The following CHD5 variants were observed in gnomAD, a reference collection of about 807,000 sequenced individuals.
The protein encoded by CHD5 is ATP-dependent chromatin remodeler CHD5.
CHD5 carries 69 observed loss-of-function variants against 230.3 expected under a neutral mutation model. That is an observed-to-expected ratio of 0.30 (90% CI 0.25 to 0.37). The LOEUF is 0.37. Ranked by LOEUF, CHD5 falls within the 10% of genes least tolerant of loss-of-function variation. The pLI is 1.00. For synonymous variants in CHD5, 1,064 were observed against 1,065.9 expected (o/e 1.00, Z 0.03); for missense variants, 1,827 against 2,622.8 (o/e 0.70, Z 6.63).
At chr1:6,165,512 T>C (rs552084168) in intron 2 of CHD5, among the ~76,000 whole-genome samples, 30 of 152,164 alleles carry the variant, frequency 2.0e-4, no homozygotes, top group African/African-American at 6.7e-4. Context: ...GTCCCTGCCA[T>C]GGACCACGAG....
chr1:6,131,057 G>A lies in CHD5; in HGVS notation c.3262+574C>T, dbSNP rs906967774. ...AGGGCTGACGCCCCAGGGAAACAAA[G>A]CTTGTTACTATTTGCTGCAAACTTG... On this transcript the variant is annotated intron_variant, in intron 21 of 41. Transcript: ENST00000262450. The surrounding 1 kb of genome is among the most constrained non-coding windows in gnomAD (Gnocchi z 5.0). Among the ~76,000 whole-genome samples the A allele has an allele frequency of 6.6e-6, 1 of 152,234 alleles. No individual in the cohort carries two copies. Among genetic ancestry groups the A allele is most frequent in the Admixed American group, 6.5e-5 (1 of 15,288 alleles).
At chr1:6,114,398 C>T (rs1666342450) in intron 33 of CHD5, among the ~76,000 whole-genome samples, 1 of 152,036 alleles carries the variant, frequency 6.6e-6, no homozygotes, top group African/African-American at 2.4e-5. Flanking sequence ...CAGAGGTGTC[C>T]AATCTTTCGG....
In CHD5 at chr1:6,125,043, C is replaced by A; in HGVS notation, c.4394+57G>T. ...CCCTCTGTGGGGCTCACCCGCAGGA[C>A]CCTGCCCTACTCAGGGGCAGGTGGT... On this transcript the variant is annotated intron_variant, in intron 29 of 41. Transcript: ENST00000262450. This position sits in a 1 kb window ranked among gnomAD's most constrained non-coding sequence, Gnocchi z 6.7. 1.4e-6 allele frequency: 2 copies of A among 1,467,098 alleles called. No homozygotes were observed. The highest frequency in any genetic ancestry group is 1.8e-6 in the Non-Finnish European group (2 of 1,098,454). The allele number at this position is 1,467,098 out of a possible 1,614,324, so 90.9% of individuals were successfully genotyped here. A position where few individuals can be genotyped will look rare whatever the true frequency, so the allele number is the denominator to read the frequency against.
rs1034166943 is a variant in CHD5 at position 6,167,891 on chromosome 1, C to T, written c.207+259G>A. 6.6e-6 allele frequency among the ~76,000 whole-genome samples: 1 copy of T among 152,206 alleles called. No homozygotes were observed. The highest frequency in any genetic ancestry group is 1.5e-5 in the Non-Finnish European group (1 of 68,040). The stretch of plus-strand genomic sequence containing the variant: ...ACGGAATCCAGCCCTGTCCCTCGCA[C>T]AGGATAGGACAACGGGAGGAAGGAA... On this transcript the variant is annotated intron_variant, in intron 2 of 41. Coordinates refer to ENST00000262450, the MANE Select transcript of CHD5 (RefSeq NM_015557.3). The surrounding 1 kb of genome is among the most constrained non-coding windows in gnomAD (Gnocchi z 4.5).
chr1:6,153,077 T>C (rs1453767383), intron 5 of CHD5, among the ~76,000 whole-genome samples: 1 of 152,164 alleles, frequency 6.6e-6, no homozygotes, highest in African/African-American at 2.4e-5. Context: ...ATTAGCTACC[T>C]GGGGAGTAAT....
At chr1:6,164,099 C>T (rs900097216) in intron 2 of CHD5, among the ~76,000 whole-genome samples, 2 of 152,258 alleles carry the variant, frequency 1.3e-5, no homozygotes, top group Admixed American at 1.3e-4. Flanking sequence ...TCCCAATGGA[C>T]AGTCCCGCCA....
At chr1:6,119,036 T>G (rs914830989) in intron 33 of CHD5, among the ~76,000 whole-genome samples, 1 of 148,688 alleles carries the variant, frequency 6.7e-6, no homozygotes, top group African/African-American at 2.5e-5. Flanking sequence ...GTATGATATG[T>G]TAACTATATC....
chr1:6,140,297 G>A (rs1393101886), intron 15 of CHD5, among the ~76,000 whole-genome samples: 2 of 152,174 alleles, frequency 1.3e-5, no homozygotes, highest in Admixed American at 6.5e-5. Flanking sequence ...CTACTTGGGA[G>A]GCTGAGGCAG....
intron 25 of CHD5, chr1:6,127,123 A>C (rs887109125): frequency 1.2e-5 from 3 of 245,134 alleles, no homozygotes; most frequent in Non-Finnish European, 2.4e-5. Context: ...AGGAAACGGA[A>C]AGGCCTCCAG....
At position 6,157,213 on chromosome 1, in the gene CHD5, C is replaced by G. The variant is rs187653094; in HGVS notation, c.388-1496G>C. Among the ~76,000 whole-genome samples the G allele has an allele frequency of 1.0e-3, 157 of 152,330 alleles. 3 individuals are homozygous for G. The highest frequency in any genetic ancestry group is 9.7e-3 in the Admixed American group (148 of 15,302). On this transcript the variant is annotated intron_variant, in intron 3 of 41. Transcript: ENST00000262450. ...CACCACTCCTAGGCCAAAGTCTGGT[C>G]AGGCCAGTCATGTCTTAAGCCAGTC...
chr1:6,176,760 C>T (rs1382321972), intron 1 of CHD5, among the ~76,000 whole-genome samples: 1 of 152,176 alleles, frequency 6.6e-6, no homozygotes, highest in East Asian at 1.9e-4. Context: ...GTGCTATGTC[C>T]CCATACTACA....
chr1:6,129,214 A>T lies in CHD5; in HGVS notation c.3388-145T>A. On this transcript the variant is annotated intron_variant, in intron 22 of 41. Coordinates refer to ENST00000262450, the MANE Select transcript of CHD5 (RefSeq NM_015557.3). The surrounding 1 kb of genome is among the most constrained non-coding windows in gnomAD (Gnocchi z 6.8). ...TGGTGCGTCCAGGTGTGTGGAGCCCACCACTGCAGCTGGGCTCCCTCCCTG... is the reference window on the plus strand; with the variant it reads ...TGGTGCGTCCAGGTGTGTGGAGCCCTCCACTGCAGCTGGGCTCCCTCCCTG... The T allele has an allele frequency of 1.6e-6, 1 of 621,956 alleles. No homozygotes were observed. The highest frequency in any genetic ancestry group is 2.8e-6 in the Non-Finnish European group (1 of 353,972). 38.5% of individuals were successfully genotyped at this position (621,956 alleles called of 1,614,324 possible). A position where few individuals can be genotyped will look rare whatever the true frequency, so the allele number is the denominator to read the frequency against.
chr1:6,112,103 AAGCCTCAGCTCTCT>A (rs1236329898), intron 35 of CHD5, 23 bp downstream of exon 35: 1 of 1,604,014 alleles, frequency 6.2e-7, no homozygotes, highest in African/African-American at 1.3e-5. Context: ...CACAGTCAGG[AAGCCTCAGCTCTCT>A]GCCCAACCCC....
chr1:6,109,977 G>T lies in CHD5; in HGVS notation c.5396C>A (p.Ala1799Glu). The change falls in exon 38 of 42, where the codon GCG (alanine) becomes GAG (glutamate). Residue 1799 changes from alanine to glutamate, a missense_variant. Ala to Glu is a moderately radical substitution (Grantham distance 107). Around this residue, in one of 14 missense-constraint regions of CHD5, gnomAD observed 208 missense variants for 302.0 expected, o/e 0.69. Transcript: ENST00000262450. Reference sequence around the variant, plus strand: ...CCGGAGCTGCTCCTCAATGACCAACGCCTGCTCCAGCAGCTGGGGGCGGGG... The same window carrying T: ...CCGGAGCTGCTCCTCAATGACCAACTCCTGCTCCAGCAGCTGGGGGCGGGG... ...LARRFKLLEQ[A>E]LVIEEQLRRA... The T allele has an allele frequency of 6.5e-7, 1 of 1,542,114 alleles. No individual in the cohort carries two copies. The highest frequency in any genetic ancestry group is 8.7e-7 in the Non-Finnish European group (1 of 1,146,896).
intron 20 of CHD5, among the ~76,000 whole-genome samples, chr1:6,132,880 T>C (rs1037746085): frequency 4.2e-5 from 6 of 144,428 alleles, no homozygotes; most frequent in East Asian, 2.1e-4. Context: ...TCCTATTCTT[T>C]TCTCTCTCTC....
chr1:6,125,041 G>A lies in CHD5; in HGVS notation c.4394+59C>T. 1 of 1,447,352 alleles carries A rather than the reference G, an allele frequency of 6.9e-7. No individual in the cohort carries two copies. Among genetic ancestry groups the A allele is most frequent in the Non-Finnish European group, 9.2e-7 (1 of 1,089,784 alleles). The allele number at this position is 1,447,352 out of a possible 1,614,324, so 89.7% of individuals were successfully genotyped here. ...TGCCCTCTGTGGGGCTCACCCGCAGGACCCTGCCCTACTCAGGGGCAGGTG... is the reference window on the plus strand; with the variant it reads ...TGCCCTCTGTGGGGCTCACCCGCAGAACCCTGCCCTACTCAGGGGCAGGTG... On this transcript the variant is annotated intron_variant, in intron 29 of 41. Coordinates refer to ENST00000262450, the MANE Select transcript of CHD5 (RefSeq NM_015557.3). This position sits in a 1 kb window ranked among gnomAD's most constrained non-coding sequence, Gnocchi z 6.7.
chr1:6,123,170 A>C (rs1382004394), intron 31 of CHD5, among the ~76,000 whole-genome samples: 1 of 152,204 alleles, frequency 6.6e-6, no homozygotes, highest in Non-Finnish European at 1.5e-5. Flanking sequence ...ATGTGGATGA[A>C]CCTGGAACCC....
chr1:6,151,236 A>G (rs1477878383), intron 6 of CHD5, 81 bp from the exon 7 acceptor site: 1 of 1,455,438 alleles, frequency 6.9e-7, no homozygotes, highest in African/African-American at 1.4e-5. Flanking sequence ...GGGTGGGACA[A>G]AGCACGGAAG....
intron 33 of CHD5, among the ~76,000 whole-genome samples, chr1:6,114,224 G>C (rs1666339973): frequency 6.6e-6 from 1 of 150,772 alleles, no homozygotes; most frequent in South Asian, 2.1e-4. Flanking sequence ...CTGCACTCCA[G>C]CCTGGGTGAC....
Sources: allele counts gnomAD v4.1 joint callset (sites outside exome capture counted in the v4.1 genomes callset), GRCh38; gene constraint gnomAD v4.1.1; regional missense constraint gnomAD v4.1.1; non-coding constraint Gnocchi (gnomAD v3.1); transcripts MANE v1.5; gene names NCBI Gene and HGNC (gene_info 2026-07-23, HGNC 2026-07-21).